Variants in CEMIP2 observed in about 807,000 individuals in gnomAD.
The protein encoded by CEMIP2 is cell migration inducing hyaluronidase 2.
Under a neutral mutation model 146.9 loss-of-function variants are expected in CEMIP2, and 79 were observed. That is an observed-to-expected ratio of 0.54 (90% CI 0.45 to 0.65). CEMIP2 has a LOEUF of 0.65. CEMIP2 is among the 30% of genes least tolerant of loss of function. The pLI, the probability that CEMIP2 is intolerant of heterozygous loss-of-function variation, is 0.00. For missense variants in CEMIP2, 1,596 were observed against 1,696.2 expected (o/e 0.94, Z 1.04); for synonymous variants, 601 against 606.3 (o/e 0.99, Z 0.13).
At position 71,735,001 on chromosome 9, in the gene CEMIP2, C is replaced by CAAA; in HGVS notation, c.1205-10_1205-8dup. On this transcript the variant is annotated splice_region_variant and splice_polypyrimidine_tract_variant and intron_variant, in intron 5 of 23. Coordinates refer to ENST00000377044, the MANE Select transcript of CEMIP2 (RefSeq NM_013390.3). ...AATCCTGAAAGAGAAACGCCTAAACCAAAAAAAAAAAAAAGAAAAAGAAAG... is the reference window on the plus strand; with the variant it reads ...AATCCTGAAAGAGAAACGCCTAAACCAAAAAAAAAAAAAAAAAGAAAAAGAAAG... 1 of 1,469,524 alleles carries CAAA rather than the reference C, an allele frequency of 6.8e-7. No individual in the cohort carries two copies. Among genetic ancestry groups the CAAA allele is most frequent in the South Asian group, 1.2e-5 (1 of 80,208 alleles). The allele number at this position is 1,469,524 out of a possible 1,614,324, so 91.0% of individuals were successfully genotyped here. A position where few individuals can be genotyped will look rare whatever the true frequency, so the allele number is the denominator to read the frequency against.
rs1257254971 is a variant in CEMIP2, at chr9:71,728,281, G to GTGTATATA, written c.2049+1563_2049+1564insTATATACA. On this transcript the variant is annotated intron_variant, in intron 10 of 23. Transcript: ENST00000377044. ...TACACGTATATATATATATATATAT[G>GTGTATATA]TATATATATATATATATATACATAT... is the stretch of plus-strand genomic sequence containing the variant. 7.6e-4 allele frequency among the ~76,000 whole-genome samples: 7 copies of GTGTATATA among 9,254 alleles called. 1 individual carries two copies. Among genetic ancestry groups the GTGTATATA allele is most frequent in the African/African-American group, 3.3e-3 (7 of 2,100 alleles). 6.1% of individuals were successfully genotyped at this position (9,254 alleles called of 152,430 possible).
At chr9:71,748,749 G>A (rs1313264239) in intron 2 of CEMIP2, among the ~76,000 whole-genome samples, 1 of 152,146 alleles carries the variant, frequency 6.6e-6, no homozygotes, top group Admixed American at 6.5e-5. Flanking sequence ...GGTCCATAAG[G>A]ATATTAATGT....
At chr9:71,688,432 T>C in intron 22 of CEMIP2, among the ~76,000 whole-genome samples, 1 of 151,944 alleles carries the variant, frequency 6.6e-6, no homozygotes, top group Non-Finnish European at 1.5e-5. Flanking sequence ...GCTCTGTTGC[T>C]CAGGCTGGAG....
chr9:71,743,718 T>G (rs2132002430), intron 4 of CEMIP2, among the ~76,000 whole-genome samples: 1 of 152,328 alleles, frequency 6.6e-6, no homozygotes, highest in African/African-American at 2.4e-5. Flanking sequence ...ACAGTGTCCT[T>G]TCGTCTAAGC....
At chr9:71,728,744 A>G (rs1823523527) in intron 10 of CEMIP2, among the ~76,000 whole-genome samples, 1 of 152,038 alleles carries the variant, frequency 6.6e-6, no homozygotes, top group Admixed American at 6.6e-5. Flanking sequence ...GACCAGAGTG[A>G]CAACTGTCAT....
Position 71,732,435 on chromosome 9 carries a change from C to T in CEMIP2, c.1479G>A (p.Val493=). Residue 493 remains valine, a synonymous_variant, in exon 7 of 24, where the codon GTG becomes GTA. Coordinates refer to ENST00000377044, the MANE Select transcript of CEMIP2 (RefSeq NM_013390.3). ...AEVGILTRNI[V]IQGEVEDSCY... is the part of the protein sequence containing the mutation. ...ATGAGTCCTCCACTTCTCCTTGGATCACAATATTCCGGGTAAGAATTCCAA... is the reference window on the plus strand; with the variant it reads ...ATGAGTCCTCCACTTCTCCTTGGATTACAATATTCCGGGTAAGAATTCCAA... 1 of 1,614,046 alleles carries T rather than the reference C, an allele frequency of 6.2e-7. No homozygotes were observed.
At position 71,718,079 on chromosome 9, in the gene CEMIP2, T is replaced by C; in HGVS notation, c.2268A>G (p.Arg756=). ...REYLCLDNSA[R]FRPHQDANPE... ...GGTTTGCATCCTGATGAGGTCGAAA[T>C]CTAGGGGTTAAAAAAAGAATTTTAA... The change falls in exon 13 of 24, where the codon AGA becomes AGG. Residue 756 remains arginine (R), a splice_region_variant and synonymous_variant. Transcript: ENST00000377044. 1 of 1,596,692 alleles carries C rather than the reference T, an allele frequency of 6.3e-7. No homozygotes were observed. The highest frequency in any genetic ancestry group is 8.5e-7 in the Non-Finnish European group (1 of 1,172,658).
chr9:71,704,818 C>T lies in CEMIP2; in HGVS notation c.2986-15G>A. 1.2e-6 allele frequency: 2 copies of T among 1,609,804 alleles called. No individual in the cohort carries two copies. Among genetic ancestry groups the T allele is most frequent in the Non-Finnish European group, 1.7e-6 (2 of 1,176,464 alleles). ...TGTACATAGACCTTGAAAAAATAAT[C>T]AAGAAGTAAAGGGAAGAGAATGAAA... is the stretch of plus-strand genomic sequence containing the variant. On this transcript the variant is annotated splice_polypyrimidine_tract_variant and intron_variant, in intron 17 of 23. Transcript: ENST00000377044.
intron 7 of CEMIP2, among the ~76,000 whole-genome samples, chr9:71,731,251 CAG>C (rs1823608163): frequency 6.6e-6 from 1 of 152,236 alleles, no homozygotes; most frequent in East Asian, 1.9e-4. Flanking sequence ...TAACCTCCAT[CAG>C]AGTCTGATAA....
intron 5 of CEMIP2, among the ~76,000 whole-genome samples, 191 bp from the exon 6 acceptor site, chr9:71,735,185 C>A (rs1040334608): frequency 6.6e-6 from 1 of 152,008 alleles, no homozygotes; most frequent in Non-Finnish European, 1.5e-5. Flanking sequence ...ACAGAGAGAT[C>A]CCTGCCTTCA....
At chr9:71,766,829 T>C (rs1041605509) in intron 1 of CEMIP2, among the ~76,000 whole-genome samples, 14 of 152,172 alleles carry the variant, frequency 9.2e-5, no homozygotes, top group Non-Finnish European at 2.1e-4. Flanking sequence ...TAAGCACACA[T>C]ACATCAGAAA....
At chr9:71,758,416 TGG>T (rs781515943) in intron 1 of CEMIP2, among the ~76,000 whole-genome samples, 1,916 of 152,268 alleles carry the variant, frequency 0.013, 31 homozygotes, top group Middle Eastern at 0.034. Flanking sequence ...AACCCCCTGG[TGG>T]GGTACAGAAG....
intron 17 of CEMIP2, among the ~76,000 whole-genome samples, chr9:71,708,450 A>G (rs777585963): frequency 1.3e-5 from 2 of 152,224 alleles, no homozygotes; most frequent in African/African-American, 4.8e-5. Context: ...CTATCTTCAC[A>G]ACAGCCTCCT....
At chr9:71,760,718 A>C (rs1589171467) in intron 1 of CEMIP2, among the ~76,000 whole-genome samples, 1 of 134,080 alleles carries the variant, frequency 7.5e-6, no homozygotes, top group Non-Finnish European at 1.7e-5. Flanking sequence ...AACAGCTAAC[A>C]CTCTCTGAGC....
chr9:71,723,286 T>C (rs1369992571), intron 11 of CEMIP2, among the ~76,000 whole-genome samples: 1 of 151,488 alleles, frequency 6.6e-6, no homozygotes, highest in Non-Finnish European at 1.5e-5. Context: ...AATAAACGCA[T>C]TGTAACCAAC....
chr9:71,754,700 C>A (rs1824369948), intron 1 of CEMIP2, among the ~76,000 whole-genome samples: 1 of 151,998 alleles, frequency 6.6e-6, no homozygotes, highest in Non-Finnish European at 1.5e-5. Context: ...TTTAGATATT[C>A]CTTGAGAGAG....
chr9:71,690,297 G>A, intron 21 of CEMIP2, 51 bp from the exon 22 acceptor site: 1 of 1,588,056 alleles, frequency 6.3e-7, no homozygotes, highest in African/African-American at 1.3e-5. Flanking sequence ...GAGAACATCT[G>A]CAGGATGACT....
chr9:71,683,748 G>A lies in CEMIP2; in HGVS notation c.*1449C>T, dbSNP rs1250369954. On this transcript the variant is annotated 3_prime_UTR_variant, in exon 24 of 24. Transcript: ENST00000377044. ...GGTAGCATATTTTGTAAAGTCACAG[G>A]GCTGCTCTGCAGTTTCTCCTGGATA... is the stretch of plus-strand genomic sequence containing the variant. 6.6e-6 allele frequency: 1 copy of A among 152,460 alleles called. No homozygotes were observed. The highest frequency in any genetic ancestry group is 2.4e-5 in the African/African-American group (1 of 41,334). The allele number at this position is 152,460 out of a possible 1,614,324, so 9.4% of individuals were successfully genotyped here. A position where few individuals can be genotyped will look rare whatever the true frequency, so the allele number is the denominator to read the frequency against.
At chr9:71,703,763 T>A (rs1009772758) in intron 18 of CEMIP2, among the ~76,000 whole-genome samples, 1 of 152,054 alleles carries the variant, frequency 6.6e-6, no homozygotes, top group Non-Finnish European at 1.5e-5. Context: ...TCACACTGAC[T>A]CCATCATTTC....
Sources: gnomAD v4.1 joint callset for allele counts (sites outside exome capture counted in the v4.1 genomes callset) on GRCh38, gnomAD v4.1.1 for gene constraint, MANE v1.5 for transcripts, NCBI Gene and HGNC (gene_info 2026-07-23, HGNC 2026-07-21) for gene names.